The following GPC5 variants were observed in gnomAD, a reference collection of about 807,000 sequenced individuals.
GPC5 encodes the protein glypican 5, also known as glypican-5.
In GPC5, 47 loss-of-function variants were observed where a neutral mutation model predicts 53.9. The ratio of observed to expected loss-of-function variants is 0.87; its 90% confidence interval spans 0.69 to 1.11. The LOEUF (loss-of-function observed/expected upper bound fraction) is 1.11. Ranked by LOEUF, GPC5 falls within the 50% of genes most tolerant of loss-of-function variation. The probability of loss-of-function intolerance (pLI) is 0.00; values close to 1 mark genes in which losing one functional copy is unlikely to be tolerated. For missense variants in GPC5, 748 were observed against 713.1 expected (o/e 1.05, Z -0.56); for synonymous variants, 286 against 263.3 (o/e 1.09, Z -0.84).
At chr13:91,647,256 T>C (rs2034583396) in intron 2 of GPC5, among the ~76,000 whole-genome samples, 2 of 152,138 alleles carry the variant, frequency 1.3e-5, no homozygotes, top group African/African-American at 2.4e-5. Context: ...GATTGCTTCA[T>C]GGAAAAAGTG....
intron 7 of GPC5, among the ~76,000 whole-genome samples, chr13:92,353,816 C>G (rs1003467695): frequency 6.6e-6 from 1 of 152,030 alleles, no homozygotes; most frequent in African/African-American, 2.4e-5. Flanking sequence ...ATAAATGATT[C>G]TCTATTCTAT....
intron 7 of GPC5, among the ~76,000 whole-genome samples, chr13:92,663,006 A>C (rs1334192937): frequency 6.6e-6 from 1 of 152,206 alleles, no homozygotes; most frequent in East Asian, 1.9e-4. Context: ...AACCAAACAC[A>C]TGATCACTAC....
intron 7 of GPC5, among the ~76,000 whole-genome samples, chr13:92,557,571 C>T (rs1882541103): frequency 6.6e-6 from 1 of 152,008 alleles, no homozygotes; most frequent in Admixed American, 6.6e-5. Context: ...AGTCTATCCT[C>T]AAACCCAGAT....
chr13:91,545,627 T>C (rs2030238655), intron 2 of GPC5, among the ~76,000 whole-genome samples: 1 of 152,148 alleles, frequency 6.6e-6, no homozygotes, highest in Non-Finnish European at 1.5e-5. Flanking sequence ...GGTACAGTGA[T>C]GTACAGTAGA....
At chr13:92,393,677 AAAG>A (rs1875130103) in intron 7 of GPC5, among the ~76,000 whole-genome samples, 1 of 152,100 alleles carries the variant, frequency 6.6e-6, no homozygotes, top group Non-Finnish European at 1.5e-5. Flanking sequence ...TTACGAACAC[AAAG>A]AAGGAAACAA....
intron 1 of GPC5, among the ~76,000 whole-genome samples, chr13:91,408,475 T>A (rs1393924379): frequency 6.6e-6 from 1 of 152,186 alleles, no homozygotes; most frequent in Non-Finnish European, 1.5e-5. Flanking sequence ...TAGGTTTATC[T>A]AGTCTTTAAG....
intron 3 of GPC5, among the ~76,000 whole-genome samples, chr13:91,694,530 AATC>A (rs1292151173): frequency 3.9e-5 from 6 of 152,226 alleles, no homozygotes; most frequent in African/African-American, 1.4e-4. Flanking sequence ...TTTAAAACAC[AATC>A]ATCAAATCAA....
intron 7 of GPC5, among the ~76,000 whole-genome samples, chr13:92,254,600 T>A (rs2042714206): frequency 6.6e-6 from 1 of 152,136 alleles, no homozygotes; most frequent in Non-Finnish European, 1.5e-5. Context: ...GCTATAAGGA[T>A]GTATCCAAGA....
At chr13:92,522,420 A>G (rs946108187) in intron 7 of GPC5, among the ~76,000 whole-genome samples, 2 of 152,214 alleles carry the variant, frequency 1.3e-5, no homozygotes, top group African/African-American at 2.4e-5. Flanking sequence ...CATATACACC[A>G]TGGAATACTA....
At chr13:91,797,367 G>A (rs957563524) in intron 5 of GPC5, among the ~76,000 whole-genome samples, 1 of 152,036 alleles carries the variant, frequency 6.6e-6, no homozygotes, top group Non-Finnish European at 1.5e-5. Context: ...CTTATTTTTA[G>A]CAGTTCAAAG....
chr13:91,909,065 T>C (rs1007327822), intron 6 of GPC5, among the ~76,000 whole-genome samples: 2 of 152,124 alleles, frequency 1.3e-5, no homozygotes, highest in Admixed American at 1.3e-4. Context: ...GACATGGGGG[T>C]TGGTGTCCAA....
chr13:92,074,395 G>A (rs559458072), intron 6 of GPC5, among the ~76,000 whole-genome samples: 11 of 152,282 alleles, frequency 7.2e-5, no homozygotes, highest in Admixed American at 3.3e-4. Context: ...TGAGACAGAC[G>A]TGAATTGATA....
chr13:91,957,402 A>G (rs1283104568), intron 6 of GPC5, among the ~76,000 whole-genome samples: 1 of 152,162 alleles, frequency 6.6e-6, no homozygotes, highest in African/African-American at 2.4e-5. Flanking sequence ...TAGAAAACCT[A>G]TTTAATGAAA....
chr13:92,518,967 G>A (rs1424362336), intron 7 of GPC5, among the ~76,000 whole-genome samples: 1 of 152,052 alleles, frequency 6.6e-6, no homozygotes, highest in East Asian at 1.9e-4. Flanking sequence ...AAAAAAGGCA[G>A]GGGTTGCAAT....
rs557690529 is a variant in GPC5 at position 91,939,333 on chromosome 13, T to C, written c.1401+31276T>C. 2.6e-5 allele frequency among the ~76,000 whole-genome samples: 4 copies of C among 152,270 alleles called. No individual in the cohort carries two copies. The South Asian group carries it at 8.3e-4, about 31-fold the overall frequency. Reference sequence around the variant, plus strand: ...CAAATTAATTTTAATTCTTTACATATGAACAAGCAAGATTCAGAGTAGTTT... The same window carrying C: ...CAAATTAATTTTAATTCTTTACATACGAACAAGCAAGATTCAGAGTAGTTT... On this transcript the variant is annotated intron_variant, in intron 6 of 7. Coordinates refer to ENST00000377067, the MANE Select transcript of GPC5 (RefSeq NM_004466.6).
intron 7 of GPC5, among the ~76,000 whole-genome samples, chr13:92,787,667 C>CAAAAAAAAAAAA (rs71202562): frequency 2.8e-4 from 16 of 56,222 alleles, no homozygotes; most frequent in East Asian, 8.0e-4. Flanking sequence ...CTCATAGCTA[C>CAAAAAAAAAAAA]AAAAAAAAAA....
intron 2 of GPC5, among the ~76,000 whole-genome samples, chr13:91,450,479 A>G (rs1384354760): frequency 6.6e-6 from 1 of 152,160 alleles, no homozygotes; most frequent in Non-Finnish European, 1.5e-5. Flanking sequence ...TGAATCTTGG[A>G]TATGTGATCA....
chr13:92,768,191 A>G (rs892928852), intron 7 of GPC5, among the ~76,000 whole-genome samples: 2 of 152,230 alleles, frequency 1.3e-5, no homozygotes, highest in Non-Finnish European at 2.9e-5. Context: ...AAGAACAGAT[A>G]TAACTTTTCA....
intron 3 of GPC5, among the ~76,000 whole-genome samples, chr13:91,718,480 A>G (rs1039301041): frequency 1.3e-5 from 2 of 152,058 alleles, no homozygotes; most frequent in African/African-American, 4.8e-5. Flanking sequence ...TCACAACCTC[A>G]GTATTGATAT....
Sources: gnomAD v4.1 joint callset for allele counts (sites outside exome capture counted in the v4.1 genomes callset) on GRCh38, gnomAD v4.1.1 for gene constraint, MANE v1.5 for transcripts, NCBI Gene and HGNC (gene_info 2026-07-23, HGNC 2026-07-21) for gene names.